The following DSC2 variants were observed in gnomAD, a reference collection of about 807,000 sequenced individuals.
The protein encoded by DSC2 is desmocollin 2.
In DSC2, 51 loss-of-function variants were observed where a neutral mutation model predicts 87.6. That is an observed-to-expected ratio of 0.58 (90% CI 0.46 to 0.74). The LOEUF is 0.74. Among genes scored for constraint, DSC2 ranks in the 30% least tolerant of loss-of-function variants. The pLI is 0.00. For missense variants in DSC2, 1,066 were observed against 1,089.5 expected (o/e 0.98, Z 0.30); for synonymous variants, 383 against 393.2 (o/e 0.97, Z 0.31).
At chr18:31,073,476 T>C (rs1986901485) in intron 12 of DSC2, among the ~76,000 whole-genome samples, 1 of 151,992 alleles carries the variant, frequency 6.6e-6, no homozygotes, top group South Asian at 2.1e-4. Flanking sequence ...CAAGACATAG[T>C]AGTTTAGCTT....
intron 1 of DSC2, among the ~76,000 whole-genome samples, chr18:31,096,408 G>C (rs925807445): frequency 2.0e-5 from 3 of 152,150 alleles, no homozygotes; most frequent in Non-Finnish European, 2.9e-5. Flanking sequence ...TGGAGAGAAG[G>C]AGAATGAAAT....
chr18:31,087,814 C>T lies in DSC2; in HGVS notation c.631-1G>A. Reference sequence around the variant, plus strand: ...CTGGAGTTGTTGCAAAGGCAATTATCTGTGAAGAGAGTAAAATAAGGAGAA... The same window carrying T: ...CTGGAGTTGTTGCAAAGGCAATTATTTGTGAAGAGAGTAAAATAAGGAGAA... On this transcript the variant is annotated splice_acceptor_variant, in intron 5 of 15. Coordinates refer to ENST00000280904, the MANE Select transcript of DSC2 (RefSeq NM_024422.6). LOFTEE classifies it high-confidence loss of function. 1 of 1,613,550 alleles carries T rather than the reference C, an allele frequency of 6.2e-7. No homozygotes were observed. Among genetic ancestry groups the T allele is most frequent in the Non-Finnish European group, 8.5e-7 (1 of 1,179,700 alleles).
At chr18:31,079,608 T>A (rs1987135559) in intron 11 of DSC2, among the ~76,000 whole-genome samples, 1 of 152,216 alleles carries the variant, frequency 6.6e-6, no homozygotes, top group African/African-American at 2.4e-5. Context: ...TTAACTTTAA[T>A]AAATTATGGT....
intron 5 of DSC2, among the ~76,000 whole-genome samples, chr18:31,088,785 G>C (rs1338930461): frequency 6.6e-6 from 1 of 152,066 alleles, no homozygotes; most frequent in Non-Finnish European, 1.5e-5. Flanking sequence ...AGGGTACTGA[G>C]GTTTACTTAA....
intron 6 of DSC2, among the ~76,000 whole-genome samples, chr18:31,087,464 C>T (rs1422695373): frequency 6.6e-6 from 1 of 152,110 alleles, no homozygotes; most frequent in African/African-American, 2.4e-5. Context: ...TACTGATAAC[C>T]CATTTTACAG....
At chr18:31,090,660 T>C (rs1034863405) in intron 4 of DSC2, among the ~76,000 whole-genome samples, 33 of 152,190 alleles carry the variant, frequency 2.2e-4, no homozygotes, top group Admixed American at 1.0e-3. Flanking sequence ...AATAGAAAGA[T>C]AGAAGGGCCT....
intron 6 of DSC2, 132 bp downstream of exon 6, chr18:31,087,537 C>G: frequency 9.2e-7 from 1 of 1,082,236 alleles, no homozygotes; most frequent in Non-Finnish European, 1.4e-6. Context: ...TAGTGAAACA[C>G]AGAGTAAAAT....
chr18:31,069,258 G>T, intron 14 of DSC2, 107 bp from the exon 15 acceptor site: 1 of 1,389,258 alleles, frequency 7.2e-7, no homozygotes, highest in Non-Finnish European at 1.0e-6. Flanking sequence ...TATGCTAGAA[G>T]GTAAGCTCTC....
chr18:31,090,875 A>T (rs921692602), intron 4 of DSC2, among the ~76,000 whole-genome samples, 153 bp downstream of exon 4: 5 of 152,190 alleles, frequency 3.3e-5, no homozygotes, highest in Non-Finnish European at 7.3e-5. Context: ...GTATAAAGAG[A>T]TATATTTATA....
intron 11 of DSC2, 35 bp downstream of exon 11, chr18:31,079,812 G>C: frequency 1.2e-6 from 2 of 1,613,188 alleles, no homozygotes; most frequent in Non-Finnish European, 1.7e-6. Context: ...ATGTAGCCAA[G>C]GAAGTATGTA....
In DSC2 at chr18:31,082,390, C is replaced by T. The variant is rs1252791235; in HGVS notation, c.1111G>A (p.Val371Met). The T allele has an allele frequency of 6.2e-7, 1 of 1,613,712 alleles. No individual in the cohort carries two copies. Among genetic ancestry groups the T allele is most frequent in the Admixed American group, 1.7e-5 (1 of 60,012 alleles). ...VTSVEENTVD[V>M]EILRVTVEDK... ...TCAACAGTAACTCGTAAGATTTCCA[C>T]ATCAACTGTATTTTCTTCCACTGAT... The change falls in exon 9 of 16, where the codon GTG (valine) becomes ATG (methionine). Residue 371 changes from valine to methionine, a missense_variant. Transcript: ENST00000280904.
chr18:31,095,232 G>A (rs1446061302), intron 1 of DSC2, among the ~76,000 whole-genome samples: 1 of 152,210 alleles, frequency 6.6e-6, no homozygotes, highest in Non-Finnish European at 1.5e-5. Context: ...GACCCTGGAA[G>A]GAGACTTGTG....
intron 11 of DSC2, among the ~76,000 whole-genome samples, chr18:31,079,266 T>C (rs1488397689): frequency 6.6e-6 from 1 of 152,140 alleles, no homozygotes; most frequent in Non-Finnish European, 1.5e-5. Context: ...TTTTTGTTTT[T>C]GTTTTGAGAC....
intron 14 of DSC2, 85 bp from the exon 15 acceptor site, chr18:31,069,236 T>C: frequency 6.6e-7 from 1 of 1,526,206 alleles, no homozygotes; most frequent in South Asian, 1.2e-5. Context: ...GGATAATGCC[T>C]TTTTTTGTGT....
rs1308134833 is a variant in DSC2 at position 31,068,918 on chromosome 18, A to G, written c.2484T>C (p.Ser828=). ...CTTCACCAAGACGGGGCTGAGTAAA[A>G]CTGTGCCACTCCGAGTAAGTGTATC... ...NCRYTYSEWH[S]FTQPRLGEKV... The change falls in exon 15 of 16, where the codon AGT becomes AGC. Residue 828 remains serine, a synonymous_variant. Coordinates refer to ENST00000280904, the MANE Select transcript of DSC2 (RefSeq NM_024422.6). The G allele has an allele frequency of 2.5e-6, 4 of 1,613,726 alleles. No homozygotes were observed. The highest frequency in any genetic ancestry group is 3.4e-6 in the Non-Finnish European group (4 of 1,180,012).
chr18:31,065,774 TCA>T lies in DSC2; in HGVS notation c.*2239_*2240del, dbSNP rs770322171. 2 of 152,178 alleles carry T rather than the reference TCA, an allele frequency of 1.3e-5. No homozygotes were observed. Among genetic ancestry groups the T allele is most frequent in the African/African-American group, 2.4e-5 (1 of 41,450 alleles). The allele number at this position is 152,178 out of a possible 1,614,324, so 9.4% of individuals were successfully genotyped here. A position where few individuals can be genotyped will look rare whatever the true frequency, so the allele number is the denominator to read the frequency against. Reference sequence around the variant, plus strand: ...TTCATCCAATTTGAACCTTACAGTTTCACAGTGTTTCAAACCAGGCAATCCCA... The same window carrying T: ...TTCATCCAATTTGAACCTTACAGTTTCAGTGTTTCAAACCAGGCAATCCCA... On this transcript the variant is annotated 3_prime_UTR_variant, in exon 16 of 16. Transcript: ENST00000280904.
chr18:31,088,260 A>G (rs1987472010), intron 5 of DSC2, among the ~76,000 whole-genome samples: 1 of 152,154 alleles, frequency 6.6e-6, no homozygotes, highest in Non-Finnish European at 1.5e-5. Context: ...TTTTCTACTA[A>G]TGAGGACTTT....
chr18:31,093,407 T>G, intron 2 of DSC2, 152 bp downstream of exon 2: 1 of 488,254 alleles, frequency 2.0e-6, no homozygotes, highest in Non-Finnish European at 3.9e-6. Context: ...TTTCTATTCC[T>G]GTGTTAGTTT....
In DSC2 at chr18:31,064,339, T is replaced by C. The variant is rs548567722; in HGVS notation, c.*3676A>G. On this transcript the variant is annotated 3_prime_UTR_variant, in exon 16 of 16. Transcript: ENST00000280904. ...GGCTGATTCATCTTGCACTTTCTCA[T>C]AGAAGCACAGTCCTTCTAGTCTCTG... 4 of 152,324 alleles carry C rather than the reference T, an allele frequency of 2.6e-5. No individual in the cohort carries two copies. The highest frequency in any genetic ancestry group is 1.9e-4 in the East Asian group (1 of 5,188). 9.4% of individuals were successfully genotyped at this position (152,324 alleles called of 1,614,324 possible).
Sources: allele counts gnomAD v4.1 joint callset (sites outside exome capture counted in the v4.1 genomes callset), GRCh38; gene constraint gnomAD v4.1.1; transcripts MANE v1.5; gene names NCBI Gene and HGNC (gene_info 2026-07-23, HGNC 2026-07-21).